Variants in GHR observed in about 807,000 individuals in gnomAD.
GHR encodes the protein GH receptor.
In GHR, 35 loss-of-function variants were observed where a neutral mutation model predicts 67.1. The observed-to-expected ratio is 0.52, with a 90% CI of 0.40 to 0.69. The LOEUF (loss-of-function observed/expected upper bound fraction) is 0.69. Among genes scored for constraint, GHR ranks in the 30% least tolerant of loss-of-function variants. The pLI is 0.00. For missense variants in GHR, 792 were observed against 764.6 expected (o/e 1.04, Z -0.42); for synonymous variants, 272 against 269.1 (o/e 1.01, Z -0.10).
Position 42,468,765 on chromosome 5 carries a change from T to G in GHR, c.-12+44810T>G. On this transcript the variant is annotated intron_variant, in intron 1 of 9. Transcript: ENST00000230882. ...CGCCAGCTTCTTTTTTCTTGTTCTC[T>G]CCTGCCTTCAGCACCTCGAAGGGGT... The G allele has an allele frequency of 2.8e-6, 3 of 1,071,108 alleles. No individual in the cohort carries two copies. In the Admixed American group the frequency reaches 5.3e-5, roughly 19 times the overall value. 66.4% of individuals were successfully genotyped at this position (1,071,108 alleles called of 1,614,324 possible).
chr5:42,456,746 A>C (rs908779646), intron 1 of GHR, among the ~76,000 whole-genome samples: 5 of 152,220 alleles, frequency 3.3e-5, no homozygotes, highest in African/African-American at 1.2e-4. Flanking sequence ...TCCAGAAAAG[A>C]GACGGTAAAC....
intron 1 of GHR, among the ~76,000 whole-genome samples, chr5:42,428,253 T>C (rs1742939588): frequency 6.6e-6 from 1 of 152,236 alleles, no homozygotes. Context: ...CTTCCAAGAC[T>C]TGGGGCTTTC....
In GHR at chr5:42,538,763, A is replaced by C. The variant is rs140191276; in HGVS notation, c.-11-27101A>C. On this transcript the variant is annotated intron_variant, in intron 1 of 9. Coordinates refer to ENST00000230882, the MANE Select transcript of GHR (RefSeq NM_000163.5). ...GAAGTTTTCCTCAATTATTCCCTCA[A>C]ATATGTTTTCCCAAACTTTTAGATT... 4.9e-3 allele frequency among the ~76,000 whole-genome samples: 746 copies of C among 152,264 alleles called. 4 individuals are homozygous for C. Among genetic ancestry groups the C allele is most frequent in the African/African-American group, 0.017 (726 of 41,566 alleles).
chr5:42,552,126 G>A (rs939261688), intron 1 of GHR, among the ~76,000 whole-genome samples: 4 of 152,190 alleles, frequency 2.6e-5, no homozygotes, highest in Non-Finnish European at 5.9e-5. Context: ...AACATGGCCA[G>A]GTCATTGAAT....
chr5:42,654,454 T>C (rs990591330), intron 3 of GHR, among the ~76,000 whole-genome samples: 1 of 152,170 alleles, frequency 6.6e-6, no homozygotes, highest in African/African-American at 2.4e-5. Context: ...CCAGTTCTGG[T>C]GTTTAATTTC....
chr5:42,518,646 C>T (rs1747344054), intron 1 of GHR, among the ~76,000 whole-genome samples: 1 of 152,144 alleles, frequency 6.6e-6, no homozygotes, highest in Admixed American at 6.5e-5. Context: ...TCTCTCTCTG[C>T]CTCAGTATGA....
At chr5:42,679,925 T>A (rs1392677981) in intron 3 of GHR, among the ~76,000 whole-genome samples, 1 of 152,246 alleles carries the variant, frequency 6.6e-6, no homozygotes, top group Non-Finnish European at 1.5e-5. Flanking sequence ...ATGCAGTAAC[T>A]TCTTTCACTC....
At chr5:42,569,828 A>G (rs1303238263) in intron 2 of GHR, among the ~76,000 whole-genome samples, 1 of 152,108 alleles carries the variant, frequency 6.6e-6, no homozygotes, top group Non-Finnish European at 1.5e-5. Flanking sequence ...AATTGACATC[A>G]CTCAAATTCT....
At chr5:42,661,283 G>T (rs955729199) in intron 3 of GHR, among the ~76,000 whole-genome samples, 9 of 152,262 alleles carry the variant, frequency 5.9e-5, no homozygotes, top group South Asian at 2.1e-4. Context: ...GAGAAGAGCA[G>T]CTCCAAGACA....
At chr5:42,584,843 T>C (rs1358204432) in intron 2 of GHR, among the ~76,000 whole-genome samples, 1 of 152,110 alleles carries the variant, frequency 6.6e-6, no homozygotes, top group East Asian at 1.9e-4. Context: ...GCCTTCTTTC[T>C]CTTTGATGGT....
chr5:42,461,845 G>A (rs1744500309), intron 1 of GHR, among the ~76,000 whole-genome samples: 1 of 152,234 alleles, frequency 6.6e-6, no homozygotes, highest in African/African-American at 2.4e-5. Flanking sequence ...CTTTAGGGAA[G>A]CCAGCTTCTA....
chr5:42,664,987 T>A (rs934960659), intron 3 of GHR, among the ~76,000 whole-genome samples: 1 of 152,034 alleles, frequency 6.6e-6, no homozygotes, highest in African/African-American at 2.4e-5. Flanking sequence ...AAAAAACACA[T>A]GAAAAAATGC....
chr5:42,627,989 T>A (rs1753789238), intron 2 of GHR, among the ~76,000 whole-genome samples: 1 of 151,976 alleles, frequency 6.6e-6, no homozygotes, highest in African/African-American at 2.4e-5. Context: ...GAGTGGGAAG[T>A]GGGGATGGAG....
chr5:42,710,605 A>C (rs921844447), intron 6 of GHR, among the ~76,000 whole-genome samples: 1 of 152,054 alleles, frequency 6.6e-6, no homozygotes, highest in African/African-American at 2.4e-5. Flanking sequence ...TTTAAATAGC[A>C]AACTATTTTA....
At chr5:42,685,144 A>G (rs1055424311) in intron 3 of GHR, among the ~76,000 whole-genome samples, 18 of 151,862 alleles carry the variant, frequency 1.2e-4, no homozygotes, top group African/African-American at 4.3e-4. Flanking sequence ...CTCCCTGTGT[A>G]TGTGTGTTCT....
At chr5:42,425,069 G>A (rs1314383347) in intron 1 of GHR, 1 of 947,666 alleles carries the variant, frequency 1.1e-6, no homozygotes, top group Admixed American at 6.2e-5. Flanking sequence ...TGGGAAGTCA[G>A]AGTAGTTTCT....
chr5:42,607,033 T>C (rs569998429), intron 2 of GHR, among the ~76,000 whole-genome samples: 2 of 152,168 alleles, frequency 1.3e-5, no homozygotes, highest in Non-Finnish European at 2.9e-5. Flanking sequence ...ATTCTCATGA[T>C]AGTGAGTGAG....
intron 2 of GHR, among the ~76,000 whole-genome samples, chr5:42,569,126 A>T (rs1361191799): frequency 1.3e-5 from 2 of 152,218 alleles, no homozygotes; most frequent in African/African-American, 4.8e-5. Context: ...TTAAGATTTT[A>T]AAAGGCTGAG....
chr5:42,560,129 G>C (rs1430738295), intron 1 of GHR, among the ~76,000 whole-genome samples: 1 of 152,136 alleles, frequency 6.6e-6, no homozygotes, highest in Non-Finnish European at 1.5e-5. Flanking sequence ...TTTAGGTGGT[G>C]ATTTGTTTTG....
Sources: allele counts gnomAD v4.1 joint callset (sites outside exome capture counted in the v4.1 genomes callset), GRCh38; gene constraint gnomAD v4.1.1; transcripts MANE v1.5; gene names NCBI Gene and HGNC (gene_info 2026-07-23, HGNC 2026-07-21).